Variants in CNTN5 observed in about 807,000 individuals in gnomAD.
CNTN5 encodes contactin-5.
In CNTN5, 77 loss-of-function variants were observed where a neutral mutation model predicts 129.1. The observed-to-expected ratio is 0.60, with a 90% CI of 0.50 to 0.72. The LOEUF (loss-of-function observed/expected upper bound fraction) is 0.72, where lower values mean the gene tolerates loss of function less well. Ranked by LOEUF, CNTN5 falls within the 30% of genes least tolerant of loss-of-function variation. The pLI is 0.00. For missense variants in CNTN5, 1,478 were observed against 1,328.8 expected, an observed-to-expected ratio of 1.11 and a Z score of -1.75; for synonymous variants, 509 against 465.6, an observed-to-expected ratio of 1.09 and a Z score of -1.20.
chr11:99,367,325 T>C (rs757607346), intron 2 of CNTN5, among the ~76,000 whole-genome samples: 1 of 151,704 alleles, frequency 6.6e-6, no homozygotes, highest in African/African-American at 2.4e-5. Context: ...ATTCATGAAA[T>C]TTAAATGGTT....
intron 3 of CNTN5, among the ~76,000 whole-genome samples, chr11:99,717,044 A>T (rs1158793562): frequency 6.6e-6 from 1 of 151,998 alleles, no homozygotes. Flanking sequence ...TCAGTATTCC[A>T]ATTGTTTTTC....
chr11:99,516,941 T>C (rs748655704), intron 2 of CNTN5, among the ~76,000 whole-genome samples: 38 of 152,262 alleles, frequency 2.5e-4, no homozygotes, highest in Non-Finnish European at 4.7e-4. Context: ...GAAAAATGAA[T>C]GGGCACTAAT....
intron 6 of CNTN5, among the ~76,000 whole-genome samples, chr11:99,863,735 C>G (rs1948278591): frequency 6.6e-6 from 1 of 152,154 alleles, no homozygotes; most frequent in African/African-American, 2.4e-5. Context: ...TTAGCCTAAA[C>G]TAAAATAAGT....
chr11:99,292,046 G>C (rs1446807263), intron 1 of CNTN5, among the ~76,000 whole-genome samples: 1 of 151,952 alleles, frequency 6.6e-6, no homozygotes, highest in East Asian at 1.9e-4. Flanking sequence ...ACATGAGCAG[G>C]AAAGTGCTCC....
At position 99,187,342 on chromosome 11, in the gene CNTN5, C is replaced by G. The variant is rs939504822; in HGVS notation, c.-209-138004C>G. Among the ~76,000 whole-genome samples, 3 of 151,412 alleles carry G rather than the reference C, an allele frequency of 2.0e-5. No individual in the cohort carries two copies. The Admixed American group carries it at 2.0e-4, about 10-fold the overall frequency. On this transcript the variant is annotated intron_variant, in intron 1 of 24. Coordinates refer to ENST00000524871, the MANE Select transcript of CNTN5 (RefSeq NM_014361.4). ...AGCAGTGGCACCCTAGATGTATAAC[C>G]CTGCCCATCTACTGGGGTTTTGGAG... is the stretch of plus-strand genomic sequence containing the variant.
intron 3 of CNTN5, among the ~76,000 whole-genome samples, chr11:99,764,167 C>T (rs1206162383): frequency 6.6e-6 from 1 of 151,654 alleles, no homozygotes; most frequent in African/African-American, 2.4e-5. Context: ...TTGAAGACCA[C>T]TGTTGTAGAA....
chr11:99,594,593 C>T (rs1950070977), intron 3 of CNTN5, among the ~76,000 whole-genome samples: 1 of 152,098 alleles, frequency 6.6e-6, no homozygotes, highest in South Asian at 2.1e-4. Flanking sequence ...TTCACTTTGG[C>T]CGGTTCTATC....
At chr11:99,470,591 G>T (rs896063158) in intron 2 of CNTN5, among the ~76,000 whole-genome samples, 1 of 151,884 alleles carries the variant, frequency 6.6e-6, no homozygotes, top group African/African-American at 2.4e-5. Context: ...TTTATTACCT[G>T]ATATAATATG....
chr11:99,587,239 A>G (rs2135649011), intron 3 of CNTN5, among the ~76,000 whole-genome samples: 1 of 152,328 alleles, frequency 6.6e-6, no homozygotes, highest in African/African-American at 2.4e-5. Context: ...CCTACTCTAT[A>G]CTGCACAGGA....
At position 99,083,584 on chromosome 11, in the gene CNTN5, C is replaced by G. The variant is rs149332034; in HGVS notation, c.-210+62314C>G. Among the ~76,000 whole-genome samples the G allele has an allele frequency of 1.8e-4, 28 of 151,768 alleles. No individual in the cohort carries two copies. In the East Asian group the frequency reaches 5.4e-3, roughly 29 times the overall value. The stretch of plus-strand genomic sequence containing the variant: ...CTCTAATACTGGCTCTAGAAGTGTT[C>G]TTTTTTTAAAGAAAAAAAAAGTATA... On this transcript the variant is annotated intron_variant, in intron 1 of 24. Transcript: ENST00000524871.
chr11:100,199,873 GAATGTCCA>G (rs1948734130), intron 15 of CNTN5, among the ~76,000 whole-genome samples: 1 of 151,800 alleles, frequency 6.6e-6, no homozygotes, highest in African/African-American at 2.4e-5. Flanking sequence ...TTTGTACTAA[GAATGTCCA>G]TAAAACAGCC....
chr11:99,501,560 C>A (rs920329625), intron 2 of CNTN5, among the ~76,000 whole-genome samples: 1 of 152,178 alleles, frequency 6.6e-6, no homozygotes, highest in African/African-American at 2.4e-5. Flanking sequence ...TGCAAAAGAA[C>A]TGATTTGCTT....
intron 3 of CNTN5, among the ~76,000 whole-genome samples, chr11:99,711,298 C>T (rs937348222): frequency 3.9e-5 from 6 of 151,970 alleles, no homozygotes; most frequent in Non-Finnish European, 7.4e-5. Flanking sequence ...AGAAAAGTAA[C>T]ACATAACTGT....
intron 3 of CNTN5, among the ~76,000 whole-genome samples, chr11:99,688,672 A>G (rs1367667927): frequency 1.3e-5 from 2 of 152,120 alleles, no homozygotes; most frequent in East Asian, 1.9e-4. Context: ...ATAGGTAAAC[A>G]TGTGTCATGG....
intron 1 of CNTN5, among the ~76,000 whole-genome samples, chr11:99,314,926 T>G (rs1474164273): frequency 6.8e-6 from 1 of 147,134 alleles, no homozygotes; most frequent in East Asian, 2.0e-4. Context: ...TTGTAAAAAT[T>G]GCATATTCTT....
intron 10 of CNTN5, among the ~76,000 whole-genome samples, chr11:100,069,325 T>C (rs1943814089): frequency 6.6e-6 from 1 of 151,938 alleles, no homozygotes; most frequent in Admixed American, 6.6e-5. Flanking sequence ...AATAATTTTT[T>C]TTTTTTTATT....
chr11:99,981,891 T>C lies in CNTN5; in HGVS notation c.878-20143T>C, dbSNP rs1938373231. ...ATATCAGCCAAAACTAAGTGTGAGA[T>C]GAGGCTCTAGTTAACAATAAATTAT... On this transcript the variant is annotated intron_variant, in intron 8 of 24. Transcript: ENST00000524871. Among the ~76,000 whole-genome samples, 4 of 152,204 alleles carry C rather than the reference T, an allele frequency of 2.6e-5. No homozygotes were observed. The South Asian group carries it at 8.3e-4, about 31-fold the overall frequency.
At chr11:99,949,700 A>G (rs1335540894) in intron 7 of CNTN5, among the ~76,000 whole-genome samples, 1 of 152,170 alleles carries the variant, frequency 6.6e-6, no homozygotes, top group East Asian at 1.9e-4. Context: ...TTATATCTAG[A>G]CACAGGGCTC....
intron 18 of CNTN5, among the ~76,000 whole-genome samples, chr11:100,281,315 G>C (rs1057128929): frequency 6.6e-6 from 1 of 152,054 alleles, no homozygotes; most frequent in Non-Finnish European, 1.5e-5. Flanking sequence ...TGTCTGGGAA[G>C]CCTTTATTTC....
Sources: gnomAD v4.1 joint callset for allele counts (sites outside exome capture counted in the v4.1 genomes callset) on GRCh38, gnomAD v4.1.1 for gene constraint, MANE v1.5 for transcripts, NCBI Gene and HGNC (gene_info 2026-07-23, HGNC 2026-07-21) for gene names.